Variants in ZNF335 observed in about 807,000 individuals in gnomAD.
ZNF335 encodes NRC-interacting factor 1.
ZNF335 carries 84 observed loss-of-function variants against 145.6 expected under a neutral mutation model. The ratio of observed to expected loss-of-function variants is 0.58; its 90% CI spans 0.48 to 0.69. ZNF335 has a LOEUF of 0.69. ZNF335 is among the 30% of genes least tolerant of loss of function. The probability of loss-of-function intolerance (pLI) is 0.00; values close to 1 mark genes in which losing one functional copy is unlikely to be tolerated. For missense variants in ZNF335, 1,865 were observed against 1,809.7 expected (o/e 1.03, Z -0.55); for synonymous variants, 761 against 717.0 (o/e 1.06, Z -0.98).
rs1476441903 is a variant in ZNF335 at position 45,963,643 on chromosome 20, A to AAT, written c.1361_1362dup (p.Tyr455IlefsTer9). ...CTCAAAAGTGGTTTGGGCGACTTGT[A>AAT]ATAGTACCTGCAGGATGAGAGTGTG... On this transcript the variant is annotated frameshift_variant, in exon 9 of 28. Transcript: ENST00000322927. LOFTEE classifies it high-confidence loss of function. The AAT allele has an allele frequency of 1.2e-6, 2 of 1,614,048 alleles. No individual in the cohort carries two copies. Among genetic ancestry groups the AAT allele is most frequent in the Non-Finnish European group, 1.7e-6 (2 of 1,180,008 alleles).
At position 45,952,280 on chromosome 20, in the gene ZNF335, A is replaced by G; in HGVS notation, c.3056T>C (p.Phe1019Ser). The G allele has an allele frequency of 6.2e-7, 1 of 1,613,544 alleles. No homozygotes were observed. Among genetic ancestry groups the G allele is most frequent in the Non-Finnish European group, 8.5e-7 (1 of 1,180,008 alleles). The change falls in exon 20 of 28, where the codon TTT becomes TCT. Residue 1019 changes from phenylalanine to serine, a missense_variant. Transcript: ENST00000322927. ...PSAATAASKK[F>S]SCKICAEAFP... ...GGCCTCGGCACAGATCTTGCAGGAA[A>G]ACTTCTTTGATGCAGCAGTGGCTGC...
chr20:45,956,805 C>T (rs900122008), intron 17 of ZNF335, among the ~76,000 whole-genome samples: 2 of 151,878 alleles, frequency 1.3e-5, no homozygotes, highest in African/African-American at 4.8e-5. Context: ...AAAAATAAAA[C>T]CCTAAGAAAA....
In ZNF335 at chr20:45,965,720, A is replaced by G. The variant is rs775237176; in HGVS notation, c.1010T>C (p.Leu337Pro). 6.2e-7 allele frequency: 1 copy of G among 1,606,850 alleles called. No individual in the cohort carries two copies. Among genetic ancestry groups the G allele is most frequent in the Admixed American group, 1.7e-5 (1 of 59,550 alleles). Residue 337 changes from leucine (L) to proline (P), a missense_variant, in exon 7 of 28, where the codon CTC becomes CCC. Leu to Pro is a moderately conservative substitution (Grantham distance 98). Coordinates refer to ENST00000322927, the MANE Select transcript of ZNF335 (RefSeq NM_022095.4). ...EDEPRGRQLRLQRPTPSTPRP... is the reference protein window; with the variant it reads ...EDEPRGRQLRPQRPTPSTPRP... ...TGGGGTACTGGGGGTGGGGCGCTGGAGCCGAAGCTGCCGGCCTCGGGGCTC... is the reference window on the plus strand; with the variant it reads ...TGGGGTACTGGGGGTGGGGCGCTGGGGCCGAAGCTGCCGGCCTCGGGGCTC...
chr20:45,954,123 A>G (rs1684780767), intron 17 of ZNF335, among the ~76,000 whole-genome samples, 175 bp from the exon 18 acceptor site: 1 of 152,200 alleles, frequency 6.6e-6, no homozygotes, highest in Non-Finnish European at 1.5e-5. Flanking sequence ...GGCTTTCCAA[A>G]TCCCACTCAG....
chr20:45,962,081 G>A lies in ZNF335; in HGVS notation c.1635C>T (p.His545=), dbSNP rs764154645. 13 of 1,612,840 alleles carry A rather than the reference G, an allele frequency of 8.1e-6. No individual in the cohort carries two copies. Among genetic ancestry groups the A allele is most frequent in the South Asian group, 7.7e-5 (7 of 91,066 alleles). Residue 545 remains histidine (H), a synonymous_variant, in exon 10 of 28, where the codon CAC becomes CAT. Transcript: ENST00000322927. ...ACCCCCACACTGACCGGTCCCGGCT[G>A]TGCACAGCGGCGTGCCGAATGACGT... ...RKDVIRHAAV[H]SRDRKKRPDP...
chr20:45,963,692 T>C, intron 8 of ZNF335, 42 bp from the exon 9 acceptor site: 1 of 1,613,850 alleles, frequency 6.2e-7, no homozygotes, highest in South Asian at 1.1e-5. Flanking sequence ...GTGGGGTTGG[T>C]GGCTTAACCA....
intron 23 of ZNF335, 27 bp downstream of exon 23, chr20:45,949,939 C>A (rs2083598190): frequency 6.2e-7 from 1 of 1,614,122 alleles, no homozygotes; most frequent in African/African-American, 1.3e-5. Context: ...TGTCGCTGGC[C>A]AGAGGGCCCC....
In ZNF335 at chr20:45,972,159, C is replaced by G; in HGVS notation, c.-88G>C. ...TAGCCACGTTCCTCTCTGACTCCGG[C>G]ATCGACGAGGTCGCCATCCTCTTTC... is the stretch of plus-strand genomic sequence containing the variant. On this transcript the variant is annotated 5_prime_UTR_variant, in exon 1 of 28. The change abolishes an upstream ATG in the 5' untranslated region. Transcript: ENST00000322927. 1 of 1,289,434 alleles carries G rather than the reference C, an allele frequency of 7.8e-7. No individual in the cohort carries two copies. The highest frequency in any genetic ancestry group is 1.2e-5 in the South Asian group (1 of 80,860). The allele number at this position is 1,289,434 out of a possible 1,614,324, so 79.9% of individuals were successfully genotyped here. A position where few individuals can be genotyped will look rare whatever the true frequency, so the allele number is the denominator to read the frequency against.
chr20:45,968,757 A>C, intron 3 of ZNF335: 1 of 193,522 alleles, frequency 5.2e-6, no homozygotes, highest in Non-Finnish European at 1.1e-5. Flanking sequence ...TAGCCTCTAT[A>C]AATATCATTA....
intron 1 of ZNF335, chr20:45,971,809 C>G (rs1436197137): frequency 3.0e-6 from 3 of 985,312 alleles, no homozygotes; most frequent in Non-Finnish European, 3.6e-6. Context: ...GCCGGTGGTA[C>G]AGCCCGCTGG....
chr20:45,968,227 C>T lies in ZNF335; in HGVS notation c.520+58G>A, dbSNP rs2083997471. Reference sequence around the variant, plus strand: ...AGACGGAATCCGCGGCAGAACCTGTCCTCACCTATCCCCCTGCCCACTGCA... The same window carrying T: ...AGACGGAATCCGCGGCAGAACCTGTTCTCACCTATCCCCCTGCCCACTGCA... On this transcript the variant is annotated intron_variant, in intron 4 of 27. Transcript: ENST00000322927. The T allele has an allele frequency of 3.8e-6, 6 of 1,575,860 alleles. No homozygotes were observed. In the South Asian group the frequency reaches 6.7e-5, roughly 17 times the overall value.
intron 2 of ZNF335, among the ~76,000 whole-genome samples, chr20:45,970,559 G>C (rs532163913): frequency 6.6e-6 from 1 of 152,088 alleles, no homozygotes; most frequent in African/African-American, 2.4e-5. Context: ...GCTTGCTCAA[G>C]ATCACACGGC....
Position 45,960,655 on chromosome 20 carries a change from C to T in ZNF335, c.1743G>A (p.Met581Ile), listed in dbSNP as rs747726210. 1 of 1,614,164 alleles carries T rather than the reference C, an allele frequency of 6.2e-7. No homozygotes were observed. The highest frequency in any genetic ancestry group is 1.7e-5 in the Admixed American group (1 of 60,020). ...GGGGCTTCTCAGTGCTGTGCGTCTT[C>T]ATGTGCTGCGTGAGTCTTTTCTGCA... The part of the protein sequence containing the change: ...YPMQKRLTQH[M>I]KTHSTEKPHM... The change falls in exon 12 of 28, where the codon ATG becomes ATA. Residue 581 changes from methionine to isoleucine, a missense_variant. Transcript: ENST00000322927.
At chr20:45,959,497 C>T in intron 14 of ZNF335, 64 bp from the exon 15 acceptor site, 1 of 1,241,606 alleles carries the variant, frequency 8.1e-7, no homozygotes, top group Non-Finnish European at 1.1e-6. Flanking sequence ...TCCAGGAATC[C>T]TTTCTTGACC....
At position 45,959,353 on chromosome 20, in the gene ZNF335, G is replaced by A. The variant is rs1382484684; in HGVS notation, c.2101C>T (p.His701Tyr). The change falls in exon 15 of 28, where the codon CAC becomes TAC. Residue 701 changes from histidine to tyrosine, a missense_variant. Transcript: ENST00000322927. ...CCCCATTCCTCGAAGCTGCTTGCGTGTCGGCACCGTACGTGCAGGCGCAGG... is the reference window on the plus strand; with the variant it reads ...CCCCATTCCTCGAAGCTGCTTGCGTATCGGCACCGTACGTGCAGGCGCAGG... ...KNLRLHVRCR[H>Y]ASSFEEWGRR... 3.2e-6 allele frequency: 5 copies of A among 1,584,894 alleles called. No homozygotes were observed. Among genetic ancestry groups the A allele is most frequent in the Admixed American group, 1.7e-5 (1 of 57,244 alleles).
intron 6 of ZNF335, among the ~76,000 whole-genome samples, chr20:45,966,653 C>T (rs932586089): frequency 2.2e-4 from 33 of 149,864 alleles, no homozygotes; most frequent in African/African-American, 7.1e-4. Flanking sequence ...CGGGTTCAAG[C>T]GAATTCTCCT....
Position 45,969,567 on chromosome 20 carries a change from G to C in ZNF335, c.326C>G (p.Ser109Cys). ...CATGTTGGGGTCTGGGAGTGCACTA[G>C]AGTGCACAAGTGCTGGGGGACCGCC... ...VTGGPPALVH[S>C]SALPDPNMLV... Residue 109 changes from serine (S) to cysteine (C), a missense_variant, in exon 3 of 28, where the codon TCT (serine) becomes TGT (cysteine). Ser to Cys is a moderately radical substitution (Grantham distance 112). Coordinates refer to ENST00000322927, the MANE Select transcript of ZNF335 (RefSeq NM_022095.4). 1.2e-6 allele frequency: 2 copies of C among 1,603,582 alleles called. No homozygotes were observed. The highest frequency in any genetic ancestry group is 1.7e-6 in the Non-Finnish European group (2 of 1,171,808).
rs1029752998 is a variant in ZNF335 at position 45,969,887 on chromosome 20, G to A, written c.202-196C>T. ...GAGTCCCCCAGGAAAAAGTCACAGGGTCCCTGGATCTCATCAGGGAATACA... is the reference window on the plus strand; with the variant it reads ...GAGTCCCCCAGGAAAAAGTCACAGGATCCCTGGATCTCATCAGGGAATACA... On this transcript the variant is annotated intron_variant, in intron 2 of 27. Coordinates refer to ENST00000322927, the MANE Select transcript of ZNF335 (RefSeq NM_022095.4). The A allele has an allele frequency of 8.0e-6, 5 of 622,768 alleles. No individual in the cohort carries two copies. The African/African-American group carries it at 9.1e-5, about 11-fold the overall frequency. The allele number at this position is 622,768 out of a possible 1,614,324, so 38.6% of individuals were successfully genotyped here.
intron 4 of ZNF335, 82 bp from the exon 5 acceptor site, chr20:45,968,109 G>A: frequency 6.4e-7 from 1 of 1,571,140 alleles, no homozygotes; most frequent in South Asian, 1.1e-5. Flanking sequence ...TCCCAGGCAG[G>A]CCCAGGGAGT....
Sources: allele counts gnomAD v4.1 joint callset (sites outside exome capture counted in the v4.1 genomes callset), GRCh38; gene constraint gnomAD v4.1.1; transcripts MANE v1.5; gene names NCBI Gene and HGNC (gene_info 2026-07-23, HGNC 2026-07-21).